The following TCF20 variants were observed in gnomAD, a reference collection of about 807,000 sequenced individuals.
TCF20 encodes transcription factor 20.
A neutral mutation model predicts 148.6 loss-of-function variants in TCF20; 3 were observed. That is an observed-to-expected ratio of 0.02 (90% CI 0.01 to 0.05). The LOEUF is 0.05. Ranked by LOEUF, TCF20 falls within the 10% of genes least tolerant of loss-of-function variation. The probability of loss-of-function intolerance (pLI) is 1.00; values close to 1 mark genes in which losing one functional copy is unlikely to be tolerated. For missense variants in TCF20, 2,350 were observed against 2,429.3 expected (o/e 0.97, Z 0.69); for synonymous variants, 1,049 against 909.5 (o/e 1.15, Z -2.76).
At chr22:42,183,195 G>A (rs180854849) in intron 2 of TCF20, among the ~76,000 whole-genome samples, 162 of 152,346 alleles carry the variant, frequency 1.1e-3, no homozygotes, top group African/African-American at 3.8e-3. Flanking sequence ...GACTGGGTGA[G>A]CTAGGATTAC....
chr22:42,168,711 G>C lies in TCF20; in HGVS notation c.5825C>G (p.Pro1942Arg), dbSNP rs144341537. ...HKPPLPCPLP[P>R]LQNKTAKGSL... Reference sequence around the variant, plus strand: ...GCCTTTCGCGGTCTTGTTCTGCAAGGGGGGGAGAGGGCACGGAAGGGGAGG... The same window carrying C: ...GCCTTTCGCGGTCTTGTTCTGCAAGCGGGGGAGAGGGCACGGAAGGGGAGG... The change falls in exon 5 of 6, where the codon CCC (proline) becomes CGC (arginine). Residue 1942 changes from proline to arginine, a missense_variant. By Grantham distance (103) the Pro-to-Arg change is moderately radical (BLOSUM62 -2). Coordinates refer to ENST00000677622, the MANE Select transcript of TCF20 (RefSeq NM_001378418.1). 8.4e-5 allele frequency: 136 copies of C among 1,611,334 alleles called. No individual in the cohort carries two copies. The highest frequency in any genetic ancestry group is 4.0e-4 in the East Asian group (18 of 44,810).
rs560141263 is a variant in TCF20 at position 42,184,326 on chromosome 22, C to T, written c.5656-4624G>A. The stretch of plus-strand genomic sequence containing the variant: ...CAACTTTCTTCATACCATACCATGA[C>T]GCCTGTTAGCCCCCTTCATTCACTC... On this transcript the variant is annotated intron_variant, in intron 2 of 5. Coordinates refer to ENST00000677622, the MANE Select transcript of TCF20 (RefSeq NM_001378418.1). 4.6e-5 allele frequency among the ~76,000 whole-genome samples: 7 copies of T among 152,242 alleles called. No individual in the cohort carries two copies. The East Asian group carries it at 5.8e-4, about 13-fold the overall frequency.
intron 1 of TCF20, among the ~76,000 whole-genome samples, chr22:42,259,277 G>T (rs9623546): frequency 0.09 from 13,727 of 152,134 alleles, 721 homozygotes; most frequent in African/African-American, 0.13. Flanking sequence ...AACTCCCTGG[G>T]GGGTTCTGAA....
intron 1 of TCF20, among the ~76,000 whole-genome samples, chr22:42,234,586 T>C (rs1923710654): frequency 6.6e-6 from 1 of 152,164 alleles, no homozygotes; most frequent in Non-Finnish European, 1.5e-5. Flanking sequence ...CAAGAAACAA[T>C]GTGCTAGTTC....
intron 2 of TCF20, among the ~76,000 whole-genome samples, chr22:42,196,182 C>T (rs1275000154): frequency 6.6e-6 from 1 of 152,196 alleles, no homozygotes; most frequent in East Asian, 1.9e-4. Context: ...TCAGACCTGC[C>T]ACTATTGGAG....
chr22:42,331,737 T>C lies in TCF20; in HGVS notation c.-37+11742A>G, dbSNP rs1412707401. On this transcript the variant is annotated intron_variant, in intron 1 of 1. Coordinates refer to the TCF20 transcript ENST00000515426. ...ACTGGGGGTGGTGCAGAACCTGCCT[T>C]GTAGTCTATGGTCACTACCCTGCGC... 2.0e-5 allele frequency among the ~76,000 whole-genome samples: 3 copies of C among 152,254 alleles called. No individual in the cohort carries two copies. The East Asian group carries it at 5.8e-4, about 29-fold the overall frequency.
intron 5 of TCF20, 146 bp from the exon 6 acceptor site, chr22:42,161,504 A>C: frequency 9.8e-7 from 1 of 1,018,516 alleles, no homozygotes; most frequent in South Asian, 1.5e-5. Context: ...TATGGGACAC[A>C]CCCGAGACCA....
chr22:42,324,002 TGGCG>T, intron 1 of TCF20, among the ~76,000 whole-genome samples: 1 of 132,990 alleles, frequency 7.5e-6, no homozygotes, highest in Non-Finnish European at 1.6e-5. Flanking sequence ...GTGGAGGTGG[TGGCG>T]GAGGTTATGG....
intron 1 of TCF20, among the ~76,000 whole-genome samples, chr22:42,332,288 C>T (rs990401149): frequency 6.6e-6 from 1 of 152,124 alleles, no homozygotes; most frequent in Non-Finnish European, 1.5e-5. Context: ...AGTGCAAAGG[C>T]CCTGAGGTAG....
Position 42,209,832 on chromosome 22 carries a change from T to C in TCF20, c.5474A>G (p.Lys1825Arg), listed in dbSNP as rs2147194177. The C allele has an allele frequency of 1.2e-6, 2 of 1,614,212 alleles. No individual in the cohort carries two copies. The highest frequency in any genetic ancestry group is 4.5e-5 in the East Asian group (2 of 44,884). ...TTCTGAAGTGGTGGGCACGGAGGGC[T>C]TCGAGTCCAAAACAGTCTTTTCACT... is the stretch of plus-strand genomic sequence containing the variant. Reference protein sequence around the residue: ...GSSEKTVLDSKPSVPTTSEGG... With the variant: ...GSSEKTVLDSRPSVPTTSEGG... The change falls in exon 2 of 6, where the codon AAG becomes AGG. Residue 1825 changes from lysine to arginine, a missense_variant. By Grantham distance (26) the Lys-to-Arg change is conservative. Coordinates refer to ENST00000677622, the MANE Select transcript of TCF20 (RefSeq NM_001378418.1).
intron 1 of TCF20, among the ~76,000 whole-genome samples, chr22:42,321,176 C>T (rs1216711331): frequency 6.6e-6 from 1 of 152,206 alleles, no homozygotes; most frequent in African/African-American, 2.4e-5. Flanking sequence ...GGCTGCCATA[C>T]CCTGACCTCT....
In TCF20 at chr22:42,211,328, T is replaced by G. The variant is rs1920955982; in HGVS notation, c.3978A>C (p.Arg1326Ser). The G allele has an allele frequency of 3.7e-6, 6 of 1,614,182 alleles. No homozygotes were observed. Among genetic ancestry groups the G allele is most frequent in the Non-Finnish European group, 5.1e-6 (6 of 1,180,014 alleles). ...SSKDLPSPDS[R>S]NCPAVTLTSP... ...TTGTGAGGGTAACAGCAGGGCAGTT[T>G]CTACTATCTGGACTTGGAAGGTCCT... Residue 1326 changes from arginine to serine, a missense_variant, in exon 2 of 6, where the codon AGA becomes AGC. Around this residue, in one of 7 missense-constraint regions of TCF20, gnomAD observed 1,641 missense variants for 1,662.6 expected, o/e 0.99. Transcript: ENST00000677622.
At chr22:42,185,418 G>A (rs1936997413) in intron 2 of TCF20, among the ~76,000 whole-genome samples, 1 of 152,234 alleles carries the variant, frequency 6.6e-6, no homozygotes, top group Non-Finnish European at 1.5e-5. Flanking sequence ...AAACTTGAGA[G>A]CCTGAAGACA....
rs1927458027 is a variant in TCF20, at chr22:42,307,568, G to A, written c.-37+35911C>T. ...TCCCGGCCAAGGGCATGTACATTCT[G>A]AAGCACTAAACTTGACATCCCAACT... On this transcript the variant is annotated intron_variant, in intron 1 of 1. Coordinates refer to the TCF20 transcript ENST00000515426. Among the ~76,000 whole-genome samples the A allele has an allele frequency of 2.0e-5, 3 of 152,358 alleles. No individual in the cohort carries two copies. In the South Asian group the frequency reaches 6.2e-4, roughly 32 times the overall value.
Position 42,161,011 on chromosome 22 carries a change from G to A in TCF20, c.*392C>T, listed in dbSNP as rs1935415640. 2 of 237,670 alleles carry A rather than the reference G, an allele frequency of 8.4e-6. No individual in the cohort carries two copies. Among genetic ancestry groups the A allele is most frequent in the South Asian group, 1.3e-4 (1 of 7,478 alleles). The allele number at this position is 237,670 out of a possible 1,614,324, so 14.7% of individuals were successfully genotyped here. A position where few individuals can be genotyped will look rare whatever the true frequency, so the allele number is the denominator to read the frequency against. ...TTAAAACAGAATCAAAAGGGATAGCGCACCTTTCATTTAAACAAAGTCTTT... is the reference window on the plus strand; with the variant it reads ...TTAAAACAGAATCAAAAGGGATAGCACACCTTTCATTTAAACAAAGTCTTT... On this transcript the variant is annotated 3_prime_UTR_variant, in exon 6 of 6. Coordinates refer to ENST00000677622, the MANE Select transcript of TCF20 (RefSeq NM_001378418.1).
chr22:42,227,258 C>A (rs1385427145), intron 1 of TCF20, among the ~76,000 whole-genome samples: 1 of 152,136 alleles, frequency 6.6e-6, no homozygotes, highest in Non-Finnish European at 1.5e-5. Flanking sequence ...GCCTGGGAGA[C>A]AGAGCAACAG....
At chr22:42,187,044 C>T (rs906458528) in intron 2 of TCF20, among the ~76,000 whole-genome samples, 1 of 152,188 alleles carries the variant, frequency 6.6e-6, no homozygotes, top group Non-Finnish European at 1.5e-5. Flanking sequence ...TCCTTTGCTG[C>T]CTGCATCAGA....
At chr22:42,289,518 C>T (rs530542082) in intron 1 of TCF20, among the ~76,000 whole-genome samples, 1 of 152,270 alleles carries the variant, frequency 6.6e-6, no homozygotes, top group South Asian at 2.1e-4. Context: ...ATAGACTTTC[C>T]CCTGAGATGG....
intron 1 of TCF20, among the ~76,000 whole-genome samples, chr22:42,332,538 T>C (rs1448258014): frequency 1.3e-5 from 2 of 152,150 alleles, no homozygotes; most frequent in African/African-American, 4.8e-5. Flanking sequence ...TCTCGCTCTG[T>C]TGTTGCCTAG....
Sources: gnomAD v4.1 joint callset for allele counts (sites outside exome capture counted in the v4.1 genomes callset) on GRCh38, gnomAD v4.1.1 for gene constraint, gnomAD v4.1.1 regional missense constraint, MANE v1.5 for transcripts, NCBI Gene and HGNC (gene_info 2026-07-23, HGNC 2026-07-21) for gene names.